The following SYNE2 variants were observed in gnomAD, a reference collection of about 807,000 sequenced individuals.
The protein encoded by SYNE2 is spectrin repeat containing nuclear envelope protein 2.
SYNE2 carries 431 observed loss-of-function variants against 856.3 expected under a neutral mutation model. That is an observed-to-expected ratio of 0.50 (90% CI 0.47 to 0.55). SYNE2 has a LOEUF of 0.55. SYNE2 is among the 20% of genes least tolerant of loss of function. The probability of loss-of-function intolerance (pLI) is 0.00; values close to 1 mark genes in which losing one functional copy is unlikely to be tolerated. For missense variants in SYNE2, 8,129 were observed against 8,023.2 expected (o/e 1.01, Z -0.50); for synonymous variants, 2,923 against 2,872.3 (o/e 1.02, Z -0.56).
chr14:63,837,784 T>C (rs546154652), intron 1 of SYNE2, among the ~76,000 whole-genome samples: 1 of 151,878 alleles, frequency 6.6e-6, no homozygotes, highest in Non-Finnish European at 1.5e-5. Context: ...CTCAGTATAT[T>C]GCCATGGGCC....
intron 11 of SYNE2, among the ~76,000 whole-genome samples, chr14:63,976,206 C>T (rs1318446464): frequency 6.6e-6 from 1 of 152,206 alleles, no homozygotes; most frequent in Non-Finnish European, 1.5e-5. Context: ...CACACAAGGA[C>T]ATACGGCATT....
intron 1 of SYNE2, among the ~76,000 whole-genome samples, chr14:63,763,410 T>C (rs1886562464): frequency 6.6e-6 from 1 of 152,202 alleles, no homozygotes; most frequent in Non-Finnish European, 1.5e-5. Flanking sequence ...ACTTTTTTTT[T>C]TCAAGAGACA....
chr14:63,849,649 G>C (rs1354350375), upstream of SYNE2, among the ~76,000 whole-genome samples: 3 of 152,286 alleles, frequency 2.0e-5, no homozygotes, highest in Non-Finnish European at 2.9e-5. Context: ...AGGCACTCAG[G>C]ATGCAAGTAT....
At chr14:64,075,461 G>A (rs147038679) in intron 53 of SYNE2, among the ~76,000 whole-genome samples, 1 of 152,280 alleles carries the variant, frequency 6.6e-6, no homozygotes, top group East Asian at 1.9e-4. Context: ...GCTCTGCAGG[G>A]CTGTCTAATT....
At chr14:63,989,796 G>A (rs890466524) in intron 19 of SYNE2, among the ~76,000 whole-genome samples, 9 of 151,770 alleles carry the variant, frequency 5.9e-5, no homozygotes, top group South Asian at 4.2e-4. Flanking sequence ...GACTACAGGC[G>A]TGTGCCACCA....
chr14:63,964,026 T>C, intron 10 of SYNE2, 26 bp downstream of exon 10: 1 of 1,376,326 alleles, frequency 7.3e-7, no homozygotes, highest in South Asian at 1.2e-5. Flanking sequence ...AACAGCTGTT[T>C]GTAATTTACC....
chr14:63,941,318 A>C (rs544333945), intron 3 of SYNE2, among the ~76,000 whole-genome samples: 1 of 152,320 alleles, frequency 6.6e-6, no homozygotes, highest in South Asian at 2.1e-4. Flanking sequence ...GTCCATTTCA[A>C]CACGATGCTT....
chr14:63,897,114 A>G (rs969608224), intron 1 of SYNE2, among the ~76,000 whole-genome samples: 1 of 152,158 alleles, frequency 6.6e-6, no homozygotes, highest in Non-Finnish European at 1.5e-5. Flanking sequence ...TTAGCCAGGC[A>G]TGGTGGTGCA....
intron 17 of SYNE2, 62 bp downstream of exon 17, chr14:63,982,856 T>C (rs562585944): frequency 1.8e-5 from 28 of 1,529,370 alleles, no homozygotes; most frequent in African/African-American, 2.7e-5. Context: ...CACAATTTAC[T>C]CATTGTAAGT....
Position 63,996,991 on chromosome 14 carries a change from C to T in SYNE2, c.2985C>T (p.His995=). 1 of 1,614,122 alleles carries T rather than the reference C, an allele frequency of 6.2e-7. No individual in the cohort carries two copies. Among genetic ancestry groups the T allele is most frequent in the Non-Finnish European group, 8.5e-7 (1 of 1,180,016 alleles). ...EEGCLYQLNH[H]MEVLRELCEE... Reference sequence around the variant, plus strand: ...GCTGCCTGTACCAGCTTAATCACCACATGGAAGTCCTGAGGGAGCTGTGTG... The same window carrying T: ...GCTGCCTGTACCAGCTTAATCACCATATGGAAGTCCTGAGGGAGCTGTGTG... The change falls in exon 24 of 116, where the codon CAC becomes CAT. Residue 995 remains histidine (H), a synonymous_variant. Transcript: ENST00000555002.
chr14:63,941,588 A>G (rs2095917306), intron 3 of SYNE2, 107 bp from the exon 4 acceptor site: 1 of 878,252 alleles, frequency 1.1e-6, no homozygotes, highest in Admixed American at 2.0e-5. Context: ...TTAAGAAGAA[A>G]GTCATTACTG....
At chr14:64,174,643 CTAT>C (rs2098425560) in intron 94 of SYNE2, among the ~76,000 whole-genome samples, 1 of 152,134 alleles carries the variant, frequency 6.6e-6, no homozygotes, top group African/African-American at 2.4e-5. Context: ...ACCTTGCAGG[CTAT>C]TATTCTATGA....
chr14:64,214,763 A>G (rs2098657813), intron 106 of SYNE2, among the ~76,000 whole-genome samples: 1 of 152,128 alleles, frequency 6.6e-6, no homozygotes, highest in African/African-American at 2.4e-5. Context: ...TTTTTGATAC[A>G]GGGTCTCACA....
Position 64,031,362 on chromosome 14 carries a change from G to T in SYNE2, c.7221+5G>T, listed in dbSNP as rs767909847. On this transcript the variant is annotated splice_donor_5th_base_variant and intron_variant, in intron 45 of 115. Coordinates refer to ENST00000555002, the MANE Select transcript of SYNE2 (RefSeq NM_182914.3). ...GAAGACTGGGAAATAAACAAGGTAA[G>T]TGCTTGTGATTGCACTTTCAAGACA... The T allele has an allele frequency of 1.2e-6, 2 of 1,612,880 alleles. No individual in the cohort carries two copies. The highest frequency in any genetic ancestry group is 1.7e-6 in the Non-Finnish European group (2 of 1,179,064).
At position 64,070,803 on chromosome 14, in the gene SYNE2, A is replaced by G; in HGVS notation, c.10590A>G (p.Leu3530=). ...NVEKQQLLLT[L]LLQRIRSIQN... is the part of the protein sequence containing the mutation. ...AGAAGCAACAGCTGTTACTGACTCTACTTCTTCAGCGCATCAGAAGTATCC... is the reference window on the plus strand; with the variant it reads ...AGAAGCAACAGCTGTTACTGACTCTGCTTCTTCAGCGCATCAGAAGTATCC... The change falls in exon 52 of 116, where the codon CTA becomes CTG. Residue 3530 remains leucine (L), a synonymous_variant. Transcript: ENST00000555002. The G allele has an allele frequency of 6.2e-7, 1 of 1,614,196 alleles. No individual in the cohort carries two copies. The highest frequency in any genetic ancestry group is 8.5e-7 in the Non-Finnish European group (1 of 1,180,038).
At chr14:64,143,605 A>G (rs1028979126) in intron 82 of SYNE2, among the ~76,000 whole-genome samples, 167 bp from the exon 83 acceptor site, 7 of 152,176 alleles carry the variant, frequency 4.6e-5, no homozygotes, top group East Asian at 1.9e-4. Context: ...CCCTACTCCA[A>G]TAAAGCCAAC....
At chr14:63,916,971 G>A (rs2095540694) in intron 2 of SYNE2, among the ~76,000 whole-genome samples, 3 of 151,882 alleles carry the variant, frequency 2.0e-5, no homozygotes, top group Non-Finnish European at 2.9e-5. Flanking sequence ...TCCCCTGTAC[G>A]TCCAGCTGCT....
intron 53 of SYNE2, among the ~76,000 whole-genome samples, chr14:64,075,033 A>T (rs1047417499): frequency 6.6e-6 from 1 of 152,040 alleles, no homozygotes; most frequent in Non-Finnish European, 1.5e-5. Flanking sequence ...GATGACACTT[A>T]CTTATTAAAC....
At chr14:64,142,895 G>A (rs2098151144) in intron 82 of SYNE2, among the ~76,000 whole-genome samples, 1 of 152,196 alleles carries the variant, frequency 6.6e-6, no homozygotes, top group African/African-American at 2.4e-5. Context: ...CGTGTATTGT[G>A]TGCTCAGCAC....
Sources: gnomAD v4.1 joint callset for allele counts (sites outside exome capture counted in the v4.1 genomes callset) on GRCh38, gnomAD v4.1.1 for gene constraint, MANE v1.5 for transcripts, NCBI Gene and HGNC (gene_info 2026-07-23, HGNC 2026-07-21) for gene names.